The following OR14I1 variants were observed in gnomAD, a reference collection of about 807,000 sequenced individuals.
OR14I1 encodes olfactory receptor family 14 subfamily I member 1, also known as olfactory receptor 14I1.
For missense variants in OR14I1, 279 were observed against 181.8 expected (o/e 1.53, Z -3.07); for synonymous variants, 118 against 71.1 (o/e 1.66, Z -3.32).
At chr1:248,698,210 A>C in the OR14I1 span, among the ~76,000 whole-genome samples, 1 of 152,242 alleles carries the variant, frequency 6.6e-6, no homozygotes, top group South Asian at 2.1e-4. Flanking sequence ...TAATTTGCAT[A>C]ATAAAAGAGA....
At chr1:248,689,960 C>T in the OR14I1 span, among the ~76,000 whole-genome samples, 5 of 152,152 alleles carry the variant, frequency 3.3e-5, no homozygotes, top group African/African-American at 7.2e-5. Flanking sequence ...AACTGAACAA[C>T]CTGCTCCTGA....
At chr1:248,685,239 T>G (rs1239419290), upstream of OR14I1, among the ~76,000 whole-genome samples, 1 of 152,208 alleles carries the variant, frequency 6.6e-6, no homozygotes, top group Admixed American at 6.5e-5. Flanking sequence ...TAATGGGGAC[T>G]CAGGTGATTA....
the OR14I1 span, among the ~76,000 whole-genome samples, chr1:248,698,417 T>G: frequency 6.6e-6 from 1 of 152,124 alleles, no homozygotes; most frequent in Non-Finnish European, 1.5e-5. Context: ...AGACCAAGAA[T>G]AAGAGATTAG....
At chr1:248,696,469 G>A in the OR14I1 span, among the ~76,000 whole-genome samples, 1 of 152,118 alleles carries the variant, frequency 6.6e-6, no homozygotes, top group African/African-American at 2.4e-5. Context: ...TGGAAGCGGG[G>A]AATCAGTCGA....
At chr1:248,687,789 GA>G in the OR14I1 span, among the ~76,000 whole-genome samples, 1 of 152,184 alleles carries the variant, frequency 6.6e-6, no homozygotes, top group Non-Finnish European at 1.5e-5. Context: ...CGTCTTGTTT[GA>G]ACATGGTGTT....
chr1:248,693,152 C>T, the OR14I1 span, among the ~76,000 whole-genome samples: 1 of 152,186 alleles, frequency 6.6e-6, no homozygotes, highest in African/African-American at 2.4e-5. Context: ...TCTCCCATTG[C>T]TGCCAGGGCA....
chr1:248,698,084 T>C, the OR14I1 span, among the ~76,000 whole-genome samples: 774 of 152,338 alleles, frequency 5.1e-3, 8 homozygotes, highest in South Asian at 0.026. Flanking sequence ...CTTTACCTGC[T>C]CACTTCCTCC....
exon 1 of OR14I1, chr1:248,682,054 A>G (rs751579518): frequency 5.1e-6 from 4 of 780,972 alleles, no homozygotes; most frequent in African/African-American, 1.7e-5. Flanking sequence ...TCTGCGAGTC[A>G]GGGAGTTACG....
the OR14I1 span, among the ~76,000 whole-genome samples, chr1:248,695,423 C>T: frequency 4.6e-4 from 70 of 151,972 alleles, no homozygotes; most frequent in African/African-American, 1.6e-3. Flanking sequence ...TTAGTAGAGA[C>T]GGGGTTTCAA....
chr1:248,682,555 C>G (rs1469631204), upstream of OR14I1, among the ~76,000 whole-genome samples: 1 of 152,068 alleles, frequency 6.6e-6, no homozygotes, highest in Non-Finnish European at 1.5e-5. Context: ...TACTGTTTTT[C>G]TATTATATGG....
At chr1:248,693,044 G>A in the OR14I1 span, among the ~76,000 whole-genome samples, 3 of 152,218 alleles carry the variant, frequency 2.0e-5, no homozygotes, top group Non-Finnish European at 4.4e-5. Context: ...TGTGTGAGCA[G>A]CCTCTAACTC....
At chr1:248,688,612 T>A in the OR14I1 span, among the ~76,000 whole-genome samples, 2 of 152,232 alleles carry the variant, frequency 1.3e-5, no homozygotes, top group Non-Finnish European at 2.9e-5. Flanking sequence ...CACAGACTGG[T>A]ACAACTTTTC....
chr1:248,701,956 A>G, the OR14I1 span, among the ~76,000 whole-genome samples: 5 of 152,160 alleles, frequency 3.3e-5, no homozygotes. Flanking sequence ...GCCTCAGGAA[A>G]CTTACAATCA....
At chr1:248,688,848 A>C in the OR14I1 span, among the ~76,000 whole-genome samples, 22 of 152,352 alleles carry the variant, frequency 1.4e-4, no homozygotes, top group Non-Finnish European at 1.5e-5. Context: ...ATGTTTTTCT[A>C]AATATGATTC....
At chr1:248,690,713 G>A in the OR14I1 span, among the ~76,000 whole-genome samples, 1 of 148,290 alleles carries the variant, frequency 6.7e-6, no homozygotes, top group Non-Finnish European at 1.5e-5. Flanking sequence ...AAGAGGAACT[G>A]TTCCCTAACT....
At chr1:248,700,673 G>A in the OR14I1 span, among the ~76,000 whole-genome samples, 1 of 152,160 alleles carries the variant, frequency 6.6e-6, no homozygotes, top group Non-Finnish European at 1.5e-5. Flanking sequence ...AGAGGCAAAT[G>A]CATTTATTTA....
the OR14I1 span, among the ~76,000 whole-genome samples, chr1:248,700,333 G>T: frequency 6.6e-6 from 1 of 152,330 alleles, no homozygotes; most frequent in East Asian, 1.9e-4. Flanking sequence ...ACTATAGCGT[G>T]TAAAACAGAA....
At chr1:248,679,380 G>A (rs1371416231), downstream of OR14I1, among the ~76,000 whole-genome samples, 1 of 151,618 alleles carries the variant, frequency 6.6e-6, no homozygotes, top group Admixed American at 6.6e-5. Flanking sequence ...GTCGCTTGAT[G>A]TTTAGTACTA....
the OR14I1 span, chr1:248,698,994 G>C: frequency 6.6e-6 from 1 of 152,210 alleles, no homozygotes; most frequent in African/African-American, 2.4e-5. Context: ...AATGGGGCCA[G>C]AATCAGACCC....
Sources: allele counts gnomAD v4.1 joint callset (sites outside exome capture counted in the v4.1 genomes callset), GRCh38; gene constraint gnomAD v4.1.1; transcripts MANE v1.5; gene names NCBI Gene and HGNC (gene_info 2026-07-23, HGNC 2026-07-21).